The following SLC9A8 variants were observed in gnomAD, a reference collection of about 807,000 sequenced individuals.
SLC9A8 encodes sodium/hydrogen exchanger 8.
In SLC9A8, 48 loss-of-function variants were observed where a neutral mutation model predicts 66.6. The observed-to-expected ratio is 0.72, with a 90% CI of 0.57 to 0.92. The LOEUF is 0.92. Ranked by LOEUF, SLC9A8 falls within the 40% of genes least tolerant of loss-of-function variation. The pLI, the probability that SLC9A8 is intolerant of heterozygous loss-of-function variation, is 0.00. For missense variants in SLC9A8, 599 were observed against 747.3 expected (o/e 0.80, Z 2.31); for synonymous variants, 274 against 282.6 (o/e 0.97, Z 0.31).
At chr20:49,843,874 G>T (rs891866076) in intron 4 of SLC9A8, among the ~76,000 whole-genome samples, 1 of 152,098 alleles carries the variant, frequency 6.6e-6, no homozygotes, top group South Asian at 2.1e-4. Flanking sequence ...TGCCCTTGCT[G>T]GGGGAGGGAG....
chr20:49,845,058 A>G lies in SLC9A8; in HGVS notation c.371A>G (p.Asn124Ser), dbSNP rs1344327364. Residue 124 changes from asparagine (N) to serine (S), a missense_variant, in exon 5 of 16, where the codon AAC (asparagine) becomes AGC (serine). Physicochemically the swap from Asn to Ser is conservative, Grantham distance 46 (BLOSUM62 1). Transcript: ENST00000361573. Reference protein sequence around the residue: ...NWKEEEMFRPNMFFLLLLPPI... With the variant: ...NWKEEEMFRPSMFFLLLLPPI... Reference sequence around the variant, plus strand: ...CAGGAAGAAGAAATGTTTCGTCCAAACATGTTTTTCCTCCTCCTGCTTCCC... The same window carrying G: ...CAGGAAGAAGAAATGTTTCGTCCAAGCATGTTTTTCCTCCTCCTGCTTCCC... The G allele has an allele frequency of 1.2e-6, 2 of 1,613,122 alleles. No homozygotes were observed. The highest frequency in any genetic ancestry group is 2.2e-5 in the South Asian group (2 of 91,054).
chr20:49,861,107 C>T (rs1366040428), intron 8 of SLC9A8, among the ~76,000 whole-genome samples: 2 of 152,160 alleles, frequency 1.3e-5, no homozygotes, highest in African/African-American at 4.8e-5. Context: ...TGGGAGGTGC[C>T]AGTGACAGTG....
intron 11 of SLC9A8, among the ~76,000 whole-genome samples, chr20:49,875,247 G>A (rs919303690): frequency 5.4e-5 from 8 of 148,080 alleles, no homozygotes; most frequent in African/African-American, 2.0e-4. Flanking sequence ...GAGCCCAGGA[G>A]TTCAAGGCTG....
intron 10 of SLC9A8, among the ~76,000 whole-genome samples, chr20:49,870,648 G>A (rs1041277856): frequency 6.6e-6 from 1 of 152,176 alleles, no homozygotes; most frequent in Non-Finnish European, 1.5e-5. Flanking sequence ...CACTCTGCTG[G>A]TAATAGGCAC....
intron 4 of SLC9A8, among the ~76,000 whole-genome samples, chr20:49,840,664 C>T (rs2087722306): frequency 2.0e-5 from 3 of 152,240 alleles, no homozygotes; most frequent in South Asian, 4.1e-4. Context: ...CCCACTGGAG[C>T]GCATTGCATG....
intron 8 of SLC9A8, 91 bp from the exon 9 acceptor site, chr20:49,862,835 AATG>A: frequency 1.0e-6 from 1 of 971,118 alleles, no homozygotes. Context: ...TGAATGAATG[AATG>A]AGCGAATAAG....
intron 2 of SLC9A8, among the ~76,000 whole-genome samples, chr20:49,822,031 T>C (rs2086756733): frequency 6.6e-6 from 1 of 152,194 alleles, no homozygotes; most frequent in African/African-American, 2.4e-5. Flanking sequence ...CTCAGTTTTC[T>C]GATTTGTAAT....
intron 4 of SLC9A8, among the ~76,000 whole-genome samples, chr20:49,840,961 C>CA (rs796104232): frequency 0.026 from 2,721 of 104,582 alleles, 73 homozygotes; most frequent in African/African-American, 0.086. Context: ...TAAAAAAATA[C>CA]AAAAAAAAAA....
chr20:49,855,292 G>T, intron 7 of SLC9A8, 146 bp from the exon 8 acceptor site: 1 of 837,718 alleles, frequency 1.2e-6, no homozygotes. Context: ...AGATAAGTGG[G>T]GAAAAAATAC....
chr20:49,851,257 G>A (rs1458565564), intron 7 of SLC9A8, among the ~76,000 whole-genome samples: 1 of 152,166 alleles, frequency 6.6e-6, no homozygotes, highest in Non-Finnish European at 1.5e-5. Context: ...GGATTCCCAC[G>A]AAGCCTGTGG....
At position 49,884,036 on chromosome 20, in the gene SLC9A8, G is replaced by A. The variant is rs1202054880; in HGVS notation, c.1461G>A (p.Lys487=). ...EDAKAHRRNK[K]DVNLSKTEKM... ...CCAAGGCACACCGCAGGAACAAGAA[G>A]GACGTCAACCTCAGCAAGACTGAGA... The change falls in exon 14 of 16, where the codon AAG becomes AAA. Residue 487 remains lysine (K), a synonymous_variant. Coordinates refer to ENST00000361573, the MANE Select transcript of SLC9A8 (RefSeq NM_015266.3). 3 of 1,613,582 alleles carry A rather than the reference G, an allele frequency of 1.9e-6. No homozygotes were observed. Among genetic ancestry groups the A allele is most frequent in the South Asian group, 2.2e-5 (2 of 91,076 alleles).
At chr20:49,836,825 A>G (rs938445659) in intron 3 of SLC9A8, among the ~76,000 whole-genome samples, 5 of 152,278 alleles carry the variant, frequency 3.3e-5, no homozygotes, top group South Asian at 4.1e-4. Context: ...CAATTTCTCT[A>G]TATCCTTGCC....
intron 9 of SLC9A8, among the ~76,000 whole-genome samples, chr20:49,864,157 A>G (rs955659917): frequency 6.6e-6 from 1 of 152,152 alleles, no homozygotes; most frequent in Non-Finnish European, 1.5e-5. Flanking sequence ...ATGATGTTTC[A>G]ATATATAGAA....
At chr20:49,834,392 ATATATATACTGTG>A (rs1426098626) in intron 3 of SLC9A8, among the ~76,000 whole-genome samples, 2 of 75,148 alleles carry the variant, frequency 2.7e-5, no homozygotes, top group Non-Finnish European at 4.7e-5. Flanking sequence ...TACTGTGTAT[ATATATATACTGTG>A]TATATATATA....
chr20:49,824,746 T>G (rs2086856265), intron 3 of SLC9A8, among the ~76,000 whole-genome samples: 1 of 152,106 alleles, frequency 6.6e-6, no homozygotes, highest in African/African-American at 2.4e-5. Context: ...GAACCCCAAA[T>G]TTGATCAGGT....
At chr20:49,814,782 C>T (rs146209893) in intron 1 of SLC9A8, among the ~76,000 whole-genome samples, 2 of 152,232 alleles carry the variant, frequency 1.3e-5, no homozygotes, top group East Asian at 1.9e-4. Context: ...GATTCCCTAC[C>T]GTTCTTGTCC....
intron 4 of SLC9A8, among the ~76,000 whole-genome samples, chr20:49,839,903 A>C (rs1474323212): frequency 6.6e-6 from 1 of 152,120 alleles, no homozygotes; most frequent in African/African-American, 2.4e-5. Context: ...ATTAGCATTA[A>C]ACATTAAATA....
At chr20:49,830,435 C>T (rs2087126860) in intron 3 of SLC9A8, 1 of 839,292 alleles carries the variant, frequency 1.2e-6, no homozygotes, top group African/African-American at 1.7e-5. Context: ...CCAAGGCGGC[C>T]AAGGACCTGG....
At position 49,867,178 on chromosome 20, in the gene SLC9A8, T is replaced by C. The variant is rs1240833179; in HGVS notation, c.958+2334T>C. Among the ~76,000 whole-genome samples the C allele has an allele frequency of 2.6e-5, 4 of 152,362 alleles. No homozygotes were observed. In the East Asian group the frequency reaches 7.7e-4, roughly 29 times the overall value. On this transcript the variant is annotated intron_variant, in intron 10 of 15. Transcript: ENST00000361573. ...TTAAGTTTTGATTGGATGTCAGTCA[T>C]TGTGAAGTTTTATGTTGTTGAGCAC...
Sources: gnomAD v4.1 joint callset for allele counts (sites outside exome capture counted in the v4.1 genomes callset) on GRCh38, gnomAD v4.1.1 for gene constraint, MANE v1.5 for transcripts, NCBI Gene and HGNC (gene_info 2026-07-23, HGNC 2026-07-21) for gene names.